The following KATNBL1 variants were observed in gnomAD, a reference collection of about 807,000 sequenced individuals.
KATNBL1 encodes KATNB1-like protein 1.
A neutral mutation model predicts 44.7 loss-of-function variants in KATNBL1; 28 were observed. That is an observed-to-expected ratio of 0.63 (90% CI 0.46 to 0.86). KATNBL1 has a LOEUF of 0.86. KATNBL1 is among the 40% of genes least tolerant of loss of function. The pLI is 0.00. For missense variants in KATNBL1, 272 were observed against 350.7 expected (o/e 0.78, Z 1.79); for synonymous variants, 78 against 114.9 (o/e 0.68, Z 2.06).
At chr15:34,199,862 T>C (rs1043647450) in intron 1 of KATNBL1, 2 of 151,910 alleles carry the variant, frequency 1.3e-5, no homozygotes, top group African/African-American at 4.8e-5. Context: ...GAACAAAGTT[T>C]CCACGGTGTG....
intron 1 of KATNBL1, among the ~76,000 whole-genome samples, chr15:34,167,878 A>G (rs1431146826): frequency 6.6e-6 from 1 of 152,212 alleles, no homozygotes; most frequent in Non-Finnish European, 1.5e-5. Context: ...CTTTACAGAC[A>G]AGCAAATACC....
chr15:34,180,509 C>T (rs1889486328), intron 1 of KATNBL1, among the ~76,000 whole-genome samples: 1 of 151,210 alleles, frequency 6.6e-6, no homozygotes, highest in Admixed American at 6.6e-5. Flanking sequence ...CCTCTCTCTA[C>T]TGAAATTGAA....
intron 1 of KATNBL1, among the ~76,000 whole-genome samples, chr15:34,170,981 C>A (rs1889140383): frequency 6.6e-6 from 1 of 152,056 alleles, no homozygotes; most frequent in Non-Finnish European, 1.5e-5. Context: ...TCATAAAAAC[C>A]CTAGAAGAAA....
intron 1 of KATNBL1, among the ~76,000 whole-genome samples, chr15:34,170,344 C>G (rs893588719): frequency 2.0e-5 from 3 of 152,058 alleles, no homozygotes; most frequent in Non-Finnish European, 4.4e-5. Context: ...ACAATTGCTA[C>G]AAAGAGAATA....
chr15:34,199,864 C>T (rs1364727151), intron 1 of KATNBL1: 1 of 150,834 alleles, frequency 6.6e-6, no homozygotes, highest in East Asian at 1.9e-4. Context: ...ACAAAGTTTC[C>T]ACGGTGTGGA....
intron 1 of KATNBL1, among the ~76,000 whole-genome samples, chr15:34,195,097 A>G (rs1597461370): frequency 6.6e-6 from 1 of 152,336 alleles, no homozygotes; most frequent in East Asian, 1.9e-4. Flanking sequence ...ACTACTGGGT[A>G]TCTACCCAAA....
At chr15:34,169,365 G>A (rs563699018) in intron 1 of KATNBL1, among the ~76,000 whole-genome samples, 16 of 152,082 alleles carry the variant, frequency 1.1e-4, no homozygotes, top group African/African-American at 2.2e-4. Context: ...TCCTGGATAC[G>A]TACACCCTCC....
At chr15:34,193,227 A>AAC (rs1555530396) in intron 1 of KATNBL1, among the ~76,000 whole-genome samples, 19 of 136,692 alleles carry the variant, frequency 1.4e-4, no homozygotes, top group South Asian at 9.6e-4. Flanking sequence ...AAAAAAAAAA[A>AAC]AAAAAAAACA....
chr15:34,188,688 T>C (rs187191596), intron 1 of KATNBL1, among the ~76,000 whole-genome samples: 64 of 152,380 alleles, frequency 4.2e-4, no homozygotes, highest in Non-Finnish European at 7.3e-4. Flanking sequence ...GCTCCTGCTC[T>C]GCTTCATATT....
At chr15:34,146,702 A>T (rs1394065673) in intron 8 of KATNBL1, 59 bp downstream of exon 8, 3 of 942,322 alleles carry the variant, frequency 3.2e-6, no homozygotes, top group Non-Finnish European at 5.3e-6. Context: ...ACCTAGTTTA[A>T]TCAAGCTGCT....
At chr15:34,209,911 C>A (rs1890391423) in intron 1 of KATNBL1, 40 bp downstream of exon 1, 1 of 151,770 alleles carries the variant, frequency 6.6e-6, no homozygotes, top group Non-Finnish European at 1.5e-5. Flanking sequence ...GGCAGGGCAG[C>A]TGCGGGCGCG....
intron 1 of KATNBL1, among the ~76,000 whole-genome samples, chr15:34,169,713 C>T (rs974854193): frequency 5.9e-5 from 9 of 152,306 alleles, no homozygotes; most frequent in African/African-American, 1.7e-4. Flanking sequence ...AAACCGAATC[C>T]AGCAGCACAT....
At chr15:34,178,418 CATGTAA>C (rs1174466662) in intron 1 of KATNBL1, among the ~76,000 whole-genome samples, 2 of 152,046 alleles carry the variant, frequency 1.3e-5, no homozygotes, top group African/African-American at 2.4e-5. Flanking sequence ...AGGCAGCTAC[CATGTAA>C]AAAATGAAAG....
At chr15:34,193,508 T>C (rs1411253749) in intron 1 of KATNBL1, among the ~76,000 whole-genome samples, 1 of 152,128 alleles carries the variant, frequency 6.6e-6, no homozygotes, top group African/African-American at 2.4e-5. Context: ...CACTCCAGCC[T>C]GGGAAACAGA....
At chr15:34,163,461 A>G (rs1443442233) in intron 2 of KATNBL1, 99 bp downstream of exon 2, 5 of 1,367,898 alleles carry the variant, frequency 3.7e-6, no homozygotes, top group Non-Finnish European at 4.9e-6. Flanking sequence ...GATTAAGCAG[A>G]ATTATTATCC....
At chr15:34,196,200 C>T (rs1890025189) in intron 1 of KATNBL1, among the ~76,000 whole-genome samples, 1 of 151,504 alleles carries the variant, frequency 6.6e-6, no homozygotes, top group Admixed American at 6.6e-5. Flanking sequence ...GATGGATCAC[C>T]TGAGGTCAGG....
In KATNBL1 at chr15:34,210,052, A is replaced by C. The variant is rs17525813; in HGVS notation, c.-116T>G. ...TCGGCTTCTGGGCCGAGTCCCACTC[A>C]GGGCCATTCAAACGCGGCCGCGCGC... On this transcript the variant is annotated 5_prime_UTR_variant, in exon 1 of 10. Transcript: ENST00000256544. The C allele has an allele frequency of 2.7e-5, 4 of 146,726 alleles. No individual in the cohort carries two copies. Among genetic ancestry groups the C allele is most frequent in the Admixed American group, 6.8e-5 (1 of 14,796 alleles). The allele number at this position is 146,726 out of a possible 1,614,324, so 9.1% of individuals were successfully genotyped here. A position where few individuals can be genotyped will look rare whatever the true frequency, so the allele number is the denominator to read the frequency against.
intron 8 of KATNBL1, chr15:34,146,383 ATCAACACCGGAC>A (rs2140898385): frequency 6.1e-6 from 1 of 163,394 alleles, no homozygotes; most frequent in African/African-American, 2.4e-5. Flanking sequence ...AACTGTAAAC[ATCAACACCGGAC>A]TCTCAGGTTA....
At chr15:34,176,187 C>G (rs535242844) in intron 1 of KATNBL1, among the ~76,000 whole-genome samples, 6 of 151,916 alleles carry the variant, frequency 3.9e-5, no homozygotes, top group Non-Finnish European at 8.8e-5. Flanking sequence ...CCAGCCTGGC[C>G]AACATGGTGA....
Sources: allele counts gnomAD v4.1 joint callset (sites outside exome capture counted in the v4.1 genomes callset), GRCh38; gene constraint gnomAD v4.1.1; transcripts MANE v1.5; gene names NCBI Gene and HGNC (gene_info 2026-07-23, HGNC 2026-07-21).